The following WDR70 variants were observed in gnomAD, a reference collection of about 807,000 sequenced individuals.
The protein encoded by WDR70 is WD repeat-containing protein 70.
A neutral mutation model predicts 88.6 loss-of-function variants in WDR70; 53 were observed. The ratio of observed to expected loss-of-function variants is 0.60; its 90% confidence interval spans 0.48 to 0.75. WDR70 has a LOEUF of 0.75. WDR70 is among the 30% of genes least tolerant of loss of function. The pLI is 0.00. For synonymous variants in WDR70, 280 were observed against 270.0 expected (o/e 1.04, Z -0.36); for missense variants, 610 against 823.2 (o/e 0.74, Z 3.17).
chr5:37,484,883 G>C (rs1027830213), intron 8 of WDR70, among the ~76,000 whole-genome samples: 3 of 152,256 alleles, frequency 2.0e-5, no homozygotes, highest in African/African-American at 7.2e-5. Flanking sequence ...TCCAGTTCTG[G>C]AAGTACATTT....
intron 10 of WDR70, among the ~76,000 whole-genome samples, chr5:37,626,871 A>G (rs552259477): frequency 1.3e-5 from 2 of 151,918 alleles, no homozygotes; most frequent in East Asian, 3.9e-4. Context: ...CCAGGAATTT[A>G]TTCATTTCCT....
At chr5:37,684,836 C>T (rs1581494769) in intron 10 of WDR70, among the ~76,000 whole-genome samples, 1 of 152,188 alleles carries the variant, frequency 6.6e-6, no homozygotes, top group Non-Finnish European at 1.5e-5. Flanking sequence ...TGAAAGGTTG[C>T]ATGCTCACTG....
intron 8 of WDR70, among the ~76,000 whole-genome samples, chr5:37,485,143 T>C (rs1739817173): frequency 6.6e-6 from 1 of 152,220 alleles, no homozygotes; most frequent in Admixed American, 6.5e-5. Flanking sequence ...TTAATTCTGA[T>C]TTTTACTCTT....
At chr5:37,702,121 C>T (rs1296441712) in intron 12 of WDR70, among the ~76,000 whole-genome samples, 1 of 152,094 alleles carries the variant, frequency 6.6e-6, no homozygotes, top group Non-Finnish European at 1.5e-5. Flanking sequence ...ATGGAAGTGT[C>T]AAGGGAAGGA....
At chr5:37,434,190 C>A (rs996515677) in intron 5 of WDR70, among the ~76,000 whole-genome samples, 7 of 152,096 alleles carry the variant, frequency 4.6e-5, no homozygotes, top group African/African-American at 1.7e-4. Flanking sequence ...ATGTCAAATG[C>A]TTATAAAAAA....
At position 37,457,406 on chromosome 5, in the gene WDR70, A is replaced by T. The variant is rs1398853335; in HGVS notation, c.686+14034A>T. On this transcript the variant is annotated intron_variant, in intron 7 of 17. Coordinates refer to ENST00000265107, the MANE Select transcript of WDR70 (RefSeq NM_018034.4). ...CCACTGCACCCAGCCAGTATATCTT[A>T]TTCTGATGTAAACTGTAAACTATGA... 2.6e-5 allele frequency among the ~76,000 whole-genome samples: 4 copies of T among 152,166 alleles called. No individual in the cohort carries two copies. The East Asian group carries it at 7.7e-4, about 29-fold the overall frequency.
At chr5:37,600,579 T>G (rs982409260) in intron 9 of WDR70, among the ~76,000 whole-genome samples, 2 of 151,526 alleles carry the variant, frequency 1.3e-5, no homozygotes, top group Non-Finnish European at 2.9e-5. Context: ...ACAACCTAAT[T>G]TTTTAAATGG....
chr5:37,653,056 G>A (rs529286114), intron 10 of WDR70, among the ~76,000 whole-genome samples: 1 of 152,242 alleles, frequency 6.6e-6, no homozygotes, highest in East Asian at 1.9e-4. Flanking sequence ...TTCCCGTTCA[G>A]TGTGATACTG....
intron 6 of WDR70, among the ~76,000 whole-genome samples, chr5:37,441,004 T>C (rs1383033319): frequency 4.6e-5 from 7 of 152,256 alleles, no homozygotes; most frequent in Non-Finnish European, 1.0e-4. Context: ...TCTGTCCATA[T>C]GGTGCTTATA....
chr5:37,621,398 C>T (rs10055123), intron 10 of WDR70, among the ~76,000 whole-genome samples: 3 of 151,944 alleles, frequency 2.0e-5, no homozygotes, highest in Admixed American at 6.6e-5. Context: ...TTGCAACCAC[C>T]AATTCTCTAG....
At chr5:37,510,778 C>T (rs1740699959) in intron 8 of WDR70, among the ~76,000 whole-genome samples, 1 of 152,172 alleles carries the variant, frequency 6.6e-6, no homozygotes, top group Admixed American at 6.5e-5. Context: ...GGAATGGCTT[C>T]TCTGCATTAT....
chr5:37,595,102 T>C (rs1329674092), intron 9 of WDR70, among the ~76,000 whole-genome samples: 1 of 152,182 alleles, frequency 6.6e-6, no homozygotes, highest in East Asian at 1.9e-4. Flanking sequence ...ACAATTTGAC[T>C]TCCTCTTTTC....
intron 10 of WDR70, among the ~76,000 whole-genome samples, chr5:37,666,384 A>G (rs1254658015): frequency 2.0e-5 from 3 of 152,200 alleles, no homozygotes; most frequent in African/African-American, 7.2e-5. Context: ...GCCAGTTAGT[A>G]ACTGTGCTAT....
chr5:37,610,265 CAAAA>C (rs869283967), intron 10 of WDR70, among the ~76,000 whole-genome samples: 7 of 79,336 alleles, frequency 8.8e-5, no homozygotes, highest in African/African-American at 1.7e-4. Flanking sequence ...GACTCCGTCT[CAAAA>C]AAAAAAAAAA....
Position 37,724,635 on chromosome 5 carries a change from A to G in WDR70, c.1598-299A>G, listed in dbSNP as rs1739171787. 5.7e-5 allele frequency: 16 copies of G among 281,246 alleles called. No homozygotes were observed. The South Asian group carries it at 9.5e-4, about 17-fold the overall frequency. The allele number at this position is 281,246 out of a possible 1,614,324, so 17.4% of individuals were successfully genotyped here. The stretch of plus-strand genomic sequence containing the variant: ...GTCCCAATATGTGTTTCTTTTCAAA[A>G]CCACGGTAATTAAGTTTTAACTGCT... On this transcript the variant is annotated intron_variant, in intron 15 of 17. Coordinates refer to ENST00000265107, the MANE Select transcript of WDR70 (RefSeq NM_018034.4).
At chr5:37,498,413 C>T (rs1274479511) in intron 8 of WDR70, among the ~76,000 whole-genome samples, 1 of 152,132 alleles carries the variant, frequency 6.6e-6, no homozygotes, top group Non-Finnish European at 1.5e-5. Context: ...TGGAATATCC[C>T]AGGGCTCAGT....
At chr5:37,434,508 C>T (rs1750411092) in intron 5 of WDR70, among the ~76,000 whole-genome samples, 1 of 152,100 alleles carries the variant, frequency 6.6e-6, no homozygotes, top group Non-Finnish European at 1.5e-5. Flanking sequence ...TACTGTCTTC[C>T]CCCAGCACCC....
At chr5:37,505,716 G>A in intron 8 of WDR70, 2 of 1,093,306 alleles carry the variant, frequency 1.8e-6, no homozygotes, top group Non-Finnish European at 2.8e-6. Flanking sequence ...CATGTATAGT[G>A]GTGTCAGCAT....
At chr5:37,728,442 A>G (rs966278161) in intron 17 of WDR70, among the ~76,000 whole-genome samples, 6 of 151,462 alleles carry the variant, frequency 4.0e-5, no homozygotes, top group Admixed American at 2.0e-4. Context: ...TCTCTGTTCC[A>G]GGATCCCACA....
Sources: allele counts gnomAD v4.1 joint callset (sites outside exome capture counted in the v4.1 genomes callset), GRCh38; gene constraint gnomAD v4.1.1; transcripts MANE v1.5; gene names NCBI Gene and HGNC (gene_info 2026-07-23, HGNC 2026-07-21).